The following SLCO1B1 variants were observed in gnomAD, a reference collection of about 807,000 sequenced individuals.
SLCO1B1 encodes solute carrier organic anion transporter family member 1B1.
SLCO1B1 carries 81 observed loss-of-function variants against 70.1 expected under a neutral mutation model. That is an observed-to-expected ratio of 1.16 (90% confidence interval 0.97 to 1.39). The LOEUF (loss-of-function observed/expected upper bound fraction) is 1.39, where lower values mean the gene tolerates loss of function less well. SLCO1B1 is among the 40% of genes most tolerant of loss of function. The pLI, the probability that SLCO1B1 is intolerant of heterozygous loss-of-function variation, is 0.00. For missense variants in SLCO1B1, 895 were observed against 799.6 expected (o/e 1.12, Z -1.44); for synonymous variants, 283 against 271.5 (o/e 1.04, Z -0.42).
At chr12:21,222,615 T>C (rs1941442399) in intron 13 of SLCO1B1, among the ~76,000 whole-genome samples, 1 of 151,748 alleles carries the variant, frequency 6.6e-6, no homozygotes, top group Admixed American at 6.6e-5. Flanking sequence ...TTGTTAATTA[T>C]ACATAAAGTC....
intron 14 of SLCO1B1, among the ~76,000 whole-genome samples, chr12:21,237,795 A>G (rs1591753955): frequency 6.6e-6 from 1 of 151,666 alleles, no homozygotes; most frequent in African/African-American, 2.4e-5. Flanking sequence ...GCTCACTGCA[A>G]CCCCCGCCTC....
chr12:21,163,476 T>A (rs1381507529), intron 2 of SLCO1B1, among the ~76,000 whole-genome samples: 1 of 152,222 alleles, frequency 6.6e-6, no homozygotes, highest in African/African-American at 2.4e-5. Context: ...ACAAAGTAAT[T>A]AACTTTGTTG....
chr12:21,143,620 T>G (rs1940342876), intron 2 of SLCO1B1, among the ~76,000 whole-genome samples: 1 of 152,022 alleles, frequency 6.6e-6, no homozygotes, highest in African/African-American at 2.4e-5. Flanking sequence ...GCAAATGTCT[T>G]CTCCTAGGTC....
intron 7 of SLCO1B1, among the ~76,000 whole-genome samples, chr12:21,194,131 G>A (rs1941064841): frequency 6.6e-6 from 1 of 151,130 alleles, no homozygotes; most frequent in African/African-American, 2.4e-5. Flanking sequence ...AGATCCCCTA[G>A]GGTATGAACA....
rs1941627413 is a variant in SLCO1B1, at chr12:21,239,496, T to A, written c.*307T>A. ...AAAATACTTGTTCAGGTAATTCTAA[T>A]TCTTAATAAAACAAATGAGTATCAT... On this transcript the variant is annotated 3_prime_UTR_variant, in exon 15 of 15. Coordinates refer to ENST00000256958, the MANE Select transcript of SLCO1B1 (RefSeq NM_006446.5). Among the ~76,000 whole-genome samples the A allele has an allele frequency of 6.6e-6, 1 of 152,182 alleles. No homozygotes were observed. The highest frequency in any genetic ancestry group is 1.5e-5 in the Non-Finnish European group (1 of 68,022).
intron 11 of SLCO1B1, among the ~76,000 whole-genome samples, chr12:21,212,478 T>G (rs1235676197): frequency 6.9e-6 from 1 of 144,926 alleles, no homozygotes; most frequent in Non-Finnish European, 1.5e-5. Context: ...AGAGCTTTAC[T>G]TCCCAGTATG....
chr12:21,178,726 A>G lies in SLCO1B1; in HGVS notation c.628+4A>G, dbSNP rs1940853792. 6.3e-7 allele frequency: 1 copy of G among 1,597,654 alleles called. No homozygotes were observed. The highest frequency in any genetic ancestry group is 8.6e-7 in the Non-Finnish European group (1 of 1,165,138). On this transcript the variant is annotated splice_donor_region_variant and intron_variant, in intron 6 of 14. Coordinates refer to ENST00000256958, the MANE Select transcript of SLCO1B1 (RefSeq NM_006446.5). Reference sequence around the variant, plus strand: ...GGACATTCTTCTTTGTATTTAGGTAATGTACACAAAATATTAAATTGTATG... The same window carrying G: ...GGACATTCTTCTTTGTATTTAGGTAGTGTACACAAAATATTAAATTGTATG...
chr12:21,198,149 C>G (rs1273748471), intron 8 of SLCO1B1, among the ~76,000 whole-genome samples: 1 of 152,056 alleles, frequency 6.6e-6, no homozygotes, highest in African/African-American at 2.4e-5. Flanking sequence ...TACTTTATTG[C>G]TATTTTCTCC....
Position 21,239,118 on chromosome 12 carries a change from A to T in SLCO1B1, c.2005A>T (p.Asn669Tyr). ...AAATGGAAGTGTCATGGATGAAGCA[A>T]ACTTAGAATCCTTAAATAAAAATAA... Reference protein sequence around the residue: ...SENGSVMDEANLESLNKNKHF... With the variant: ...SENGSVMDEAYLESLNKNKHF... The change falls in exon 15 of 15, where the codon AAC becomes TAC. Residue 669 changes from asparagine (N) to tyrosine (Y), a missense_variant. Physicochemically the swap from Asn to Tyr is moderately radical, Grantham distance 143. Coordinates refer to ENST00000256958, the MANE Select transcript of SLCO1B1 (RefSeq NM_006446.5). 6.2e-7 allele frequency: 1 copy of T among 1,613,082 alleles called. No individual in the cohort carries two copies. The highest frequency in any genetic ancestry group is 8.5e-7 in the Non-Finnish European group (1 of 1,179,344).
At chr12:21,197,437 C>T (rs1941106918) in intron 8 of SLCO1B1, among the ~76,000 whole-genome samples, 1 of 152,002 alleles carries the variant, frequency 6.6e-6, no homozygotes, top group Non-Finnish European at 1.5e-5. Flanking sequence ...TACAAACATC[C>T]ATTTTTTATG....
chr12:21,197,048 T>C lies in SLCO1B1; in HGVS notation c.830T>C (p.Phe277Ser), dbSNP rs1012575169. 3 of 1,613,768 alleles carry C rather than the reference T, an allele frequency of 1.9e-6. No individual in the cohort carries two copies. Among genetic ancestry groups the C allele is most frequent in the Non-Finnish European group, 2.5e-6 (3 of 1,179,766 alleles). The change falls in exon 8 of 15, where the codon TTT becomes TCT. Residue 277 changes from phenylalanine (F) to serine (S), a missense_variant. Phe to Ser is a radical substitution (Grantham distance 155). Coordinates refer to ENST00000256958, the MANE Select transcript of SLCO1B1 (RefSeq NM_006446.5). ...TCCATTATTTCTTCCATACCATTCT[T>C]TTTCTTGCCCCAAACTCCAAATAAA... ...LFSIISSIPF[F>S]FLPQTPNKPQ... is the part of the protein sequence containing the mutation.
intron 7 of SLCO1B1, among the ~76,000 whole-genome samples, chr12:21,193,905 T>C (rs28588986): frequency 0.01 from 1,578 of 152,158 alleles, 37 homozygotes; most frequent in South Asian, 0.039. Context: ...ATTCTCCTGT[T>C]TCTGCCTCCC....
At chr12:21,201,110 A>G (rs1210364865) in intron 9 of SLCO1B1, among the ~76,000 whole-genome samples, 1 of 152,164 alleles carries the variant, frequency 6.6e-6, no homozygotes, top group Non-Finnish European at 1.5e-5. Context: ...TGCATAATTC[A>G]AAACAAATAT....
intron 7 of SLCO1B1, among the ~76,000 whole-genome samples, chr12:21,190,476 C>G (rs929220898): frequency 1.3e-5 from 2 of 152,180 alleles, no homozygotes; most frequent in Non-Finnish European, 2.9e-5. Context: ...CTCCACTGTT[C>G]TCCCAACCAC....
chr12:21,235,516 T>C (rs1941588878), intron 14 of SLCO1B1, among the ~76,000 whole-genome samples: 1 of 151,164 alleles, frequency 6.6e-6, no homozygotes, highest in Non-Finnish European at 1.5e-5. Flanking sequence ...TCTATGTCTT[T>C]TATATGAAGC....
chr12:21,141,759 A>G, intron 2 of SLCO1B1, 101 bp downstream of exon 2: 3 of 684,798 alleles, frequency 4.4e-6, no homozygotes, highest in South Asian at 1.7e-5. Flanking sequence ...TCAAATTATA[A>G]TTTTCAATTG....
chr12:21,136,974 G>C (rs528806383), intron 1 of SLCO1B1, among the ~76,000 whole-genome samples: 1 of 152,176 alleles, frequency 6.6e-6, no homozygotes, highest in East Asian at 1.9e-4. Context: ...ATCTATCTTT[G>C]GTCTTTGATG....
chr12:21,232,291 C>T (rs1401361975), intron 14 of SLCO1B1, among the ~76,000 whole-genome samples: 1 of 152,172 alleles, frequency 6.6e-6, no homozygotes, highest in Non-Finnish European at 1.5e-5. Context: ...CGATTTCAAG[C>T]TTGCAAAGGC....
chr12:21,146,180 T>G (rs958574207), intron 2 of SLCO1B1, among the ~76,000 whole-genome samples: 26 of 152,260 alleles, frequency 1.7e-4, no homozygotes, highest in African/African-American at 5.1e-4. Context: ...ATTGGGTAGA[T>G]CGTGTCTTTC....
Sources: allele counts gnomAD v4.1 joint callset (sites outside exome capture counted in the v4.1 genomes callset), GRCh38; gene constraint gnomAD v4.1.1; transcripts MANE v1.5; gene names NCBI Gene and HGNC (gene_info 2026-07-23, HGNC 2026-07-21).